NIPBL: variants seen among roughly 807,000 people sequenced by gnomAD.
The protein encoded by NIPBL is NIPBL cohesin loading factor.
In NIPBL, 19 loss-of-function variants were observed where a neutral mutation model predicts 321.8. That is an observed-to-expected ratio of 0.06 (90% CI 0.04 to 0.09). The LOEUF (loss-of-function observed/expected upper bound fraction) is 0.09, where lower values mean the gene tolerates loss of function less well. Among genes scored for constraint, NIPBL ranks in the 10% least tolerant of loss-of-function variants. NIPBL has a pLI of 1.00. For synonymous variants in NIPBL, 1,106 were observed against 1,114.1 expected (o/e 0.99, Z 0.14); for missense variants, 2,210 against 3,327.0 (o/e 0.66, Z 8.26).
At chr5:36,958,705 G>A (rs1274442290) in intron 4 of NIPBL, among the ~76,000 whole-genome samples, 6 of 152,000 alleles carry the variant, frequency 3.9e-5, no homozygotes. Context: ...TTGATTCATG[G>A]TATTATAAAA....
At chr5:37,000,750 GA>G in intron 12 of NIPBL, 66 bp from the exon 13 acceptor site, 1 of 1,437,336 alleles carries the variant, frequency 7.0e-7, no homozygotes, top group Non-Finnish European at 9.7e-7. Flanking sequence ...AAAAAAACTA[GA>G]AACAAAAATG....
At position 36,985,298 on chromosome 5, in the gene NIPBL, G is replaced by A. The variant is rs1744636344; in HGVS notation, c.2118G>A (p.Lys706=). 1.9e-6 allele frequency: 3 copies of A among 1,613,462 alleles called. No individual in the cohort carries two copies. In the African/African-American group the frequency reaches 4.0e-5, roughly 22 times the overall value. ...CAAGGCCTGAAACCCCAAAGCAAAA[G>A]GGTGAAAGCCGGCCTGAGACTCCAA... The part of the protein sequence containing the change: ...TKSRPETPKQ[K]GESRPETPKQ... Residue 706 remains lysine, a synonymous_variant, in exon 10 of 47, where the codon AAG becomes AAA. Coordinates refer to ENST00000282516, the MANE Select transcript of NIPBL (RefSeq NM_133433.4).
intron 1 of NIPBL, among the ~76,000 whole-genome samples, chr5:36,881,648 A>G (rs1009908136): frequency 2.0e-5 from 3 of 151,980 alleles, no homozygotes; most frequent in African/African-American, 7.2e-5. Context: ...TCAGGATTCT[A>G]TGTATCTAGT....
chr5:37,060,591 T>C (rs1051197392), intron 44 of NIPBL, among the ~76,000 whole-genome samples: 1 of 152,088 alleles, frequency 6.6e-6, no homozygotes, highest in African/African-American at 2.4e-5. Context: ...CTGAAACAGG[T>C]TTATAAACAA....
chr5:36,900,095 G>C (rs1277416988), intron 1 of NIPBL, among the ~76,000 whole-genome samples: 1 of 151,898 alleles, frequency 6.6e-6, no homozygotes, highest in Non-Finnish European at 1.5e-5. Context: ...TATTTGACTG[G>C]CATTATTTAA....
At chr5:36,971,325 T>G (rs1424283625) in intron 7 of NIPBL, among the ~76,000 whole-genome samples, 3 of 152,056 alleles carry the variant, frequency 2.0e-5, no homozygotes. Flanking sequence ...AAATATTTAT[T>G]CTCTGTTCCT....
At chr5:37,016,213 A>G in intron 23 of NIPBL, 43 bp downstream of exon 23, 1 of 1,582,154 alleles carries the variant, frequency 6.3e-7, no homozygotes, top group South Asian at 1.1e-5. Context: ...ACTAGAAGAC[A>G]ACATAATGAG....
In NIPBL at chr5:37,059,601, A is replaced by G. The variant is rs182388934; in HGVS notation, c.7685+436A>G. Reference sequence around the variant, plus strand: ...TTTAAAAAGGAGTTTATTCTCTTCTATTGCTGGATAGTATTCTATTGTGTA... The same window carrying G: ...TTTAAAAAGGAGTTTATTCTCTTCTGTTGCTGGATAGTATTCTATTGTGTA... On this transcript the variant is annotated intron_variant, in intron 44 of 46. Coordinates refer to ENST00000282516, the MANE Select transcript of NIPBL (RefSeq NM_133433.4). Among the ~76,000 whole-genome samples the G allele has an allele frequency of 1.1e-4, 16 of 152,220 alleles. No homozygotes were observed. In the Middle Eastern group the frequency reaches 0.01, roughly 97 times the overall value.
At chr5:37,003,956 T>C (rs1247584022) in intron 16 of NIPBL, among the ~76,000 whole-genome samples, 1 of 152,194 alleles carries the variant, frequency 6.6e-6, no homozygotes, top group African/African-American at 2.4e-5. Context: ...TATGAGATGA[T>C]AGTAGGTAGT....
intron 1 of NIPBL, among the ~76,000 whole-genome samples, chr5:36,881,898 A>T (rs1440295147): frequency 2.0e-5 from 3 of 151,968 alleles, no homozygotes; most frequent in Admixed American, 1.3e-4. Flanking sequence ...TGAGTTGAAG[A>T]TGTTTGTCAA....
At chr5:36,923,615 T>G (rs1749122779) in intron 1 of NIPBL, among the ~76,000 whole-genome samples, 1 of 152,230 alleles carries the variant, frequency 6.6e-6, no homozygotes, top group Non-Finnish European at 1.5e-5. Context: ...TGATAAATAC[T>G]CTTACTTTAA....
At chr5:37,036,794 T>A (rs1324113880) in intron 33 of NIPBL, among the ~76,000 whole-genome samples, 1 of 151,828 alleles carries the variant, frequency 6.6e-6, no homozygotes, top group Non-Finnish European at 1.5e-5. Context: ...GGGGCTAATA[T>A]GTATCTAGCT....
intron 7 of NIPBL, 28 bp downstream of exon 7, chr5:36,971,064 T>A (rs759578990): frequency 2.5e-6 from 4 of 1,584,346 alleles, no homozygotes; most frequent in African/African-American, 1.3e-5. Context: ...ATTAAGGTGA[T>A]AAAATAGTTC....
At chr5:36,900,949 C>T (rs1438142990) in intron 1 of NIPBL, among the ~76,000 whole-genome samples, 1 of 151,840 alleles carries the variant, frequency 6.6e-6, no homozygotes, top group Non-Finnish European at 1.5e-5. Flanking sequence ...CCCTTTTTTT[C>T]CCCAGCCTTT....
intron 1 of NIPBL, chr5:36,885,191 T>A: frequency 5.7e-6 from 3 of 526,698 alleles, no homozygotes; most frequent in Non-Finnish European, 3.9e-6. Context: ...CCTCTCGCTC[T>A]CCTCCCTGGA....
At position 36,995,815 on chromosome 5, in the gene NIPBL, CA is replaced by C. The variant is rs1389663337; in HGVS notation, c.3304+12del. 1 of 1,601,670 alleles carries C rather than the reference CA, an allele frequency of 6.2e-7. No individual in the cohort carries two copies. The highest frequency in any genetic ancestry group is 8.6e-7 in the Non-Finnish European group (1 of 1,169,188). The stretch of plus-strand genomic sequence containing the variant: ...ATGAAGCTTTTGAATGTAAGTATCA[CA>C]GAACTCTTTGTTATTATTTTAGAGT... On this transcript the variant is annotated intron_variant, in intron 11 of 46. Transcript: ENST00000282516.
At chr5:36,983,155 T>C (rs966353052) in intron 9 of NIPBL, among the ~76,000 whole-genome samples, 5 of 151,882 alleles carry the variant, frequency 3.3e-5, no homozygotes, top group African/African-American at 1.2e-4. Context: ...AAACTTCCTA[T>C]AAATTCTTAC....
intron 8 of NIPBL, among the ~76,000 whole-genome samples, chr5:36,974,984 C>T (rs1487644102): frequency 2.0e-5 from 3 of 151,956 alleles, no homozygotes; most frequent in Non-Finnish European, 2.9e-5. Flanking sequence ...GAATTTTTGT[C>T]TGAAGGCTTA....
Position 36,953,664 on chromosome 5 carries a change from C to T in NIPBL, c.-33C>T. The T allele has an allele frequency of 6.3e-7, 1 of 1,598,766 alleles. No individual in the cohort carries two copies. Among genetic ancestry groups the T allele is most frequent in the Non-Finnish European group, 8.6e-7 (1 of 1,166,096 alleles). ...TGACAGCTGGCACCTGAACTAAGTA[C>T]TTTTATAGGCAACACCATTCCAGAA... On this transcript the variant is annotated 5_prime_UTR_variant, in exon 2 of 47. Coordinates refer to ENST00000282516, the MANE Select transcript of NIPBL (RefSeq NM_133433.4).
Sources: gnomAD v4.1 joint callset for allele counts (sites outside exome capture counted in the v4.1 genomes callset) on GRCh38, gnomAD v4.1.1 for gene constraint, MANE v1.5 for transcripts, NCBI Gene and HGNC (gene_info 2026-07-23, HGNC 2026-07-21) for gene names.